Variants in CAMTA1 observed in about 807,000 individuals in gnomAD.
The protein encoded by CAMTA1 is calmodulin-binding transcription activator 1.
In CAMTA1, 27 loss-of-function variants were observed where a neutral mutation model predicts 170.9. The observed-to-expected ratio is 0.16, with a 90% confidence interval of 0.12 to 0.22. The LOEUF is 0.22. CAMTA1 is among the 10% of genes least tolerant of loss of function. CAMTA1 has a pLI of 1.00. For synonymous variants in CAMTA1, 833 were observed against 891.5 expected (o/e 0.93, Z 1.17); for missense variants, 1,619 against 2,217.2 (o/e 0.73, Z 5.42).
At position 7,496,498 on chromosome 1, in the gene CAMTA1, A is replaced by G. The variant is rs74937325; in HGVS notation, c.510+28597A>G. Among the ~76,000 whole-genome samples, 839 of 152,314 alleles carry G rather than the reference A, an allele frequency of 5.5e-3. 7 individuals carry two copies. The highest frequency in any genetic ancestry group is 0.019 in the African/African-American group (806 of 41,570). On this transcript the variant is annotated intron_variant, in intron 6 of 22. Coordinates refer to ENST00000303635, the MANE Select transcript of CAMTA1 (RefSeq NM_015215.4). ...ATGCGTGCCCAGGTCCTCCTGCAGCAGACAGGGCGGACATGGGCTCTGCTG... is the reference window on the plus strand; with the variant it reads ...ATGCGTGCCCAGGTCCTCCTGCAGCGGACAGGGCGGACATGGGCTCTGCTG...
intron 4 of CAMTA1, among the ~76,000 whole-genome samples, chr1:7,148,001 TAC>T (rs1281444614): frequency 1.4e-5 from 2 of 147,906 alleles, no homozygotes; most frequent in African/African-American, 2.5e-5. Context: ...ATGCACCATG[TAC>T]ACACTCAAAC....
chr1:7,031,071 T>A (rs1702734267), intron 3 of CAMTA1, among the ~76,000 whole-genome samples: 1 of 150,018 alleles, frequency 6.7e-6, no homozygotes, highest in African/African-American at 2.5e-5. Context: ...ATGGTCTTGA[T>A]CTCCTGACCT....
At chr1:7,749,679 T>TC (rs1463154975) in intron 19 of CAMTA1, 1 of 406,586 alleles carries the variant, frequency 2.5e-6, no homozygotes, top group South Asian at 1.8e-5. Flanking sequence ...TTTTTTTTTT[T>TC]TCTTGGTTGG....
intron 2 of CAMTA1, among the ~76,000 whole-genome samples, chr1:6,823,840 T>C (rs910605286): frequency 1.3e-5 from 2 of 152,228 alleles, no homozygotes; most frequent in African/African-American, 4.8e-5. Context: ...TATTAACCAA[T>C]GCCTGTATAC....
intron 3 of CAMTA1, among the ~76,000 whole-genome samples, chr1:6,912,563 AAAG>A (rs1488744479): frequency 1.3e-5 from 2 of 152,256 alleles, no homozygotes; most frequent in African/African-American, 4.8e-5. Flanking sequence ...ATGCCATAGT[AAAG>A]AAGTTCATGT....
intron 5 of CAMTA1, among the ~76,000 whole-genome samples, chr1:7,446,089 G>A (rs968789331): frequency 3.3e-5 from 5 of 151,230 alleles, no homozygotes; most frequent in East Asian, 2.0e-4. Context: ...TGCATCCTCC[G>A]CCCGCCGCTC....
intron 6 of CAMTA1, among the ~76,000 whole-genome samples, chr1:7,536,148 G>C (rs2094546406): frequency 6.6e-6 from 1 of 152,134 alleles, no homozygotes; most frequent in South Asian, 2.1e-4. Context: ...GCAGCCCCCA[G>C]AGGTGACATT....
chr1:6,896,009 A>G (rs574993022), intron 3 of CAMTA1, among the ~76,000 whole-genome samples: 4 of 152,154 alleles, frequency 2.6e-5, no homozygotes, highest in Non-Finnish European at 5.9e-5. Flanking sequence ...CTAGGTATCC[A>G]TTGATTAAAT....
At chr1:7,068,729 C>T (rs1261026330) in intron 3 of CAMTA1, among the ~76,000 whole-genome samples, 3 of 152,204 alleles carry the variant, frequency 2.0e-5, no homozygotes, top group African/African-American at 7.2e-5. Context: ...CAGGGCCTCT[C>T]TCAGTGGCAG....
At chr1:7,179,800 G>A (rs919584851) in intron 4 of CAMTA1, among the ~76,000 whole-genome samples, 1 of 152,052 alleles carries the variant, frequency 6.6e-6, no homozygotes, top group Admixed American at 6.5e-5. Flanking sequence ...ATGCAAATAA[G>A]TGAACTAAGT....
chr1:7,762,947 G>A (rs548750004), intron 22 of CAMTA1, among the ~76,000 whole-genome samples: 4 of 152,144 alleles, frequency 2.6e-5, no homozygotes, highest in African/African-American at 7.2e-5. Context: ...TTCTTATAAA[G>A]TCTTTTAGAA....
At position 6,871,308 on chromosome 1, in the gene CAMTA1, C is replaced by T. The variant is rs931068352; in HGVS notation, c.234+46098C>T. On this transcript the variant is annotated intron_variant, in intron 3 of 22. Coordinates refer to ENST00000303635, the MANE Select transcript of CAMTA1 (RefSeq NM_015215.4). ...TTATCATGTATCACTTTATTGCTGT[C>T]TTCTAGAACATTGTTATACTAAATG... 7.9e-5 allele frequency among the ~76,000 whole-genome samples: 12 copies of T among 152,084 alleles called. 1 individual carries two copies. Among genetic ancestry groups the T allele is most frequent in the African/African-American group, 2.7e-4 (11 of 41,390 alleles).
At chr1:7,735,539 C>T (rs1348458561) in intron 12 of CAMTA1, among the ~76,000 whole-genome samples, 2 of 152,122 alleles carry the variant, frequency 1.3e-5, no homozygotes, top group African/African-American at 2.4e-5. Context: ...CTCTGCTCCA[C>T]TGTCTCACAA....
chr1:6,908,842 C>T (rs1679111911), intron 3 of CAMTA1, among the ~76,000 whole-genome samples: 1 of 152,208 alleles, frequency 6.6e-6, no homozygotes, highest in African/African-American at 2.4e-5. Flanking sequence ...GTGCAGTTCT[C>T]CACCAGGAGT....
intron 3 of CAMTA1, among the ~76,000 whole-genome samples, chr1:6,968,132 G>A (rs180903472): frequency 1.3e-5 from 2 of 152,292 alleles, no homozygotes; most frequent in East Asian, 1.9e-4. Flanking sequence ...CACGAATTCC[G>A]TTGGCCCCTC....
rs1329712534 is a variant in CAMTA1 at position 7,580,288 on chromosome 1, G to A, written c.511-60112G>A. Among the ~76,000 whole-genome samples, 26 of 152,310 alleles carry A rather than the reference G, an allele frequency of 1.7e-4. No individual in the cohort carries two copies. Among genetic ancestry groups the A allele is most frequent in the Admixed American group, 1.5e-3 (23 of 15,302 alleles). ...CTGGGGGGTTGTCCACATCTGGACC[G>A]TGGGAGCTGTTGGGGGGAATGGGGG... is the stretch of plus-strand genomic sequence containing the variant. On this transcript the variant is annotated intron_variant, in intron 6 of 22. Coordinates refer to ENST00000303635, the MANE Select transcript of CAMTA1 (RefSeq NM_015215.4). The surrounding 1 kb of genome is among the most constrained non-coding windows in gnomAD (Gnocchi z 4.3).
chr1:7,058,615 G>A (rs1485139019), intron 3 of CAMTA1, among the ~76,000 whole-genome samples: 1 of 152,122 alleles, frequency 6.6e-6, no homozygotes, highest in East Asian at 1.9e-4. Context: ...GCCTCTGTGG[G>A]GTGTTGGAGT....
At chr1:7,142,707 C>T (rs1255542370) in intron 4 of CAMTA1, among the ~76,000 whole-genome samples, 2 of 152,204 alleles carry the variant, frequency 1.3e-5, no homozygotes, top group African/African-American at 4.8e-5. Context: ...CATGCTGGCT[C>T]CCTTTAGCAT....
chr1:6,843,227 C>T (rs1182641557), intron 3 of CAMTA1, among the ~76,000 whole-genome samples: 2 of 152,184 alleles, frequency 1.3e-5, no homozygotes, highest in African/African-American at 4.8e-5. Context: ...TTCTTTTCCT[C>T]CCATAGTCTG....
Sources: allele counts gnomAD v4.1 joint callset (sites outside exome capture counted in the v4.1 genomes callset), GRCh38; gene constraint gnomAD v4.1.1; non-coding constraint Gnocchi (gnomAD v3.1); transcripts MANE v1.5; gene names NCBI Gene and HGNC (gene_info 2026-07-23, HGNC 2026-07-21).